The following LRRC7 variants were observed in gnomAD, a reference collection of about 807,000 sequenced individuals.
The protein encoded by LRRC7 is leucine rich repeat containing 7, also known as leucine-rich repeat-containing protein 7.
Under a neutral mutation model 175.7 loss-of-function variants are expected in LRRC7, and 23 were observed. The observed-to-expected ratio is 0.13, with a 90% CI of 0.09 to 0.19. LRRC7 has a LOEUF of 0.19. LRRC7 is among the 10% of genes least tolerant of loss of function. LRRC7 has a pLI of 1.00. For missense variants in LRRC7, 1,354 were observed against 1,904.7 expected, an observed-to-expected ratio of 0.71 and a Z score of 5.38; for synonymous variants, 685 against 680.9, an observed-to-expected ratio of 1.01 and a Z score of -0.09.
intron 16 of LRRC7, chr1:70,022,377 T>C (rs1291415785): frequency 6.6e-6 from 1 of 152,164 alleles, no homozygotes; most frequent in East Asian, 1.9e-4. Context: ...TTACCAAAAA[T>C]TGCATGCTTC....
At chr1:69,737,011 T>A (rs1180334001) in intron 2 of LRRC7, among the ~76,000 whole-genome samples, 3 of 152,110 alleles carry the variant, frequency 2.0e-5, no homozygotes, top group Non-Finnish European at 2.9e-5. Flanking sequence ...AGCCTGCCAG[T>A]GCCAAACTCA....
chr1:69,622,887 T>C (rs1379030131), intron 1 of LRRC7, among the ~76,000 whole-genome samples: 1 of 152,160 alleles, frequency 6.6e-6, no homozygotes, highest in Non-Finnish European at 1.5e-5. Context: ...ATAAGAAGCT[T>C]ACCTGTCTAT....
chr1:70,033,012 C>G (rs1224081551), intron 18 of LRRC7, among the ~76,000 whole-genome samples: 2 of 152,134 alleles, frequency 1.3e-5, no homozygotes, highest in Non-Finnish European at 2.9e-5. Context: ...GCCCACTTTT[C>G]CAAAAGGAAC....
At chr1:69,901,849 A>G (rs150205854) in intron 7 of LRRC7, among the ~76,000 whole-genome samples, 6 of 152,244 alleles carry the variant, frequency 3.9e-5, no homozygotes, top group African/African-American at 1.4e-4. Flanking sequence ...TGAACTCATT[A>G]TCTCTTAAGC....
chr1:70,006,333 A>G (rs1364049751), intron 11 of LRRC7, among the ~76,000 whole-genome samples: 1 of 151,944 alleles, frequency 6.6e-6, no homozygotes, highest in African/African-American at 2.4e-5. Flanking sequence ...AAATCACCAA[A>G]CAATTGTGGG....
intron 8 of LRRC7, among the ~76,000 whole-genome samples, chr1:69,946,998 A>G (rs1412871709): frequency 6.6e-6 from 1 of 152,184 alleles, no homozygotes; most frequent in East Asian, 1.9e-4. Flanking sequence ...GAATCACTTG[A>G]ACCAGGGAAG....
chr1:69,793,977 G>C (rs1460839214), intron 4 of LRRC7, among the ~76,000 whole-genome samples: 1 of 150,910 alleles, frequency 6.6e-6, no homozygotes, highest in Non-Finnish European at 1.5e-5. Context: ...CAAATAATCA[G>C]TGAAAATTAT....
chr1:69,887,114 A>G (rs1275779630), intron 7 of LRRC7, among the ~76,000 whole-genome samples: 2 of 131,526 alleles, frequency 1.5e-5, no homozygotes, highest in African/African-American at 6.1e-5. Context: ...GCTCTTCTCG[A>G]GGAGTATCTT....
intron 2 of LRRC7, among the ~76,000 whole-genome samples, chr1:69,680,172 G>C (rs182807998): frequency 2.0e-5 from 3 of 152,210 alleles, no homozygotes; most frequent in Admixed American, 2.0e-4. Flanking sequence ...AGTGCTGCAA[G>C]CCACACCTAC....
Position 70,039,349 on chromosome 1 carries a change from G to A in LRRC7, c.3525G>A (p.Leu1175=). 6.2e-7 allele frequency: 1 copy of A among 1,614,032 alleles called. No individual in the cohort carries two copies. Among genetic ancestry groups the A allele is most frequent in the Non-Finnish European group, 8.5e-7 (1 of 1,180,018 alleles). ...MFRRVNEPHE[L]PPTDRYGRPP... ...GAAGGGTCAATGAGCCTCATGAGCT[G>A]CCCCCAACTGATAGGTACGGCAGAC... The change falls in exon 21 of 27, where the codon CTG becomes CTA. Residue 1175 remains leucine (L), a synonymous_variant. Coordinates refer to ENST00000651989, the MANE Select transcript of LRRC7 (RefSeq NM_001370785.2).
At chr1:69,830,956 A>G (rs1016726265) in intron 5 of LRRC7, among the ~76,000 whole-genome samples, 1 of 151,926 alleles carries the variant, frequency 6.6e-6, no homozygotes, top group Non-Finnish European at 1.5e-5. Flanking sequence ...CTCTGAAACA[A>G]AATGTTCTAT....
At chr1:69,616,767 A>G (rs1216369532) in intron 1 of LRRC7, among the ~76,000 whole-genome samples, 1 of 152,114 alleles carries the variant, frequency 6.6e-6, no homozygotes, top group African/African-American at 2.4e-5. Flanking sequence ...ATGAAGTGGT[A>G]TATTTCACAG....
chr1:69,747,356 A>G (rs1669367079), intron 2 of LRRC7, among the ~76,000 whole-genome samples: 1 of 152,206 alleles, frequency 6.6e-6, no homozygotes, highest in Admixed American at 6.6e-5. Context: ...GGCATGGGAC[A>G]TAAGGTGCCT....
At chr1:69,913,587 C>T (rs1646597718) in intron 7 of LRRC7, among the ~76,000 whole-genome samples, 1 of 152,094 alleles carries the variant, frequency 6.6e-6, no homozygotes, top group South Asian at 2.1e-4. Context: ...TCTCGGCTCA[C>T]TGCAACCTCC....
At chr1:69,611,636 A>G (rs1648746633) in intron 1 of LRRC7, among the ~76,000 whole-genome samples, 1 of 152,024 alleles carries the variant, frequency 6.6e-6, no homozygotes, top group Non-Finnish European at 1.5e-5. Context: ...GCTATAACTC[A>G]TGCCTGAATC....
intron 8 of LRRC7, among the ~76,000 whole-genome samples, chr1:69,967,179 T>C (rs1416260483): frequency 6.6e-6 from 1 of 151,974 alleles, no homozygotes; most frequent in Non-Finnish European, 1.5e-5. Context: ...CTGCCACTTT[T>C]CCCTACTTCC....
At chr1:69,686,011 C>G (rs773348543) in intron 2 of LRRC7, among the ~76,000 whole-genome samples, 1 of 151,366 alleles carries the variant, frequency 6.6e-6, no homozygotes, top group East Asian at 1.9e-4. Context: ...TATAAAGGAA[C>G]AGAAATAACA....
At chr1:69,676,434 A>G (rs1659783351) in intron 1 of LRRC7, among the ~76,000 whole-genome samples, 1 of 152,138 alleles carries the variant, frequency 6.6e-6, no homozygotes, top group Admixed American at 6.6e-5. Context: ...AAAATGATAA[A>G]TACTATGATT....
chr1:69,984,121 T>A (rs1212558155), intron 9 of LRRC7, among the ~76,000 whole-genome samples: 2 of 152,082 alleles, frequency 1.3e-5, no homozygotes, highest in Non-Finnish European at 2.9e-5. Flanking sequence ...AGACGGGGTT[T>A]CACCATGTTG....
Sources: allele counts gnomAD v4.1 joint callset (sites outside exome capture counted in the v4.1 genomes callset), GRCh38; gene constraint gnomAD v4.1.1; transcripts MANE v1.5; gene names NCBI Gene and HGNC (gene_info 2026-07-23, HGNC 2026-07-21).